RBMS3: variants seen among roughly 807,000 people sequenced by gnomAD.
RBMS3 encodes the protein RNA-binding motif, single-stranded-interacting protein 3.
In RBMS3, 27 loss-of-function variants were observed where a neutral mutation model predicts 66.8. The ratio of observed to expected loss-of-function variants is 0.40; its 90% CI spans 0.30 to 0.56. RBMS3 has a LOEUF of 0.56. Ranked by LOEUF, RBMS3 falls within the 20% of genes least tolerant of loss-of-function variation. The pLI, the probability that RBMS3 is intolerant of heterozygous loss-of-function variation, is 0.40. For missense variants in RBMS3, 513 were observed against 549.5 expected, an observed-to-expected ratio of 0.93 and a Z score of 0.66; for synonymous variants, 188 against 183.0, an observed-to-expected ratio of 1.03 and a Z score of -0.22.
intron 5 of RBMS3, among the ~76,000 whole-genome samples, chr3:29,742,104 G>C (rs943974283): frequency 6.6e-6 from 1 of 152,152 alleles, no homozygotes; most frequent in Non-Finnish European, 1.5e-5. Flanking sequence ...TACAATGAGA[G>C]TTTGCTTAAA....
intron 5 of RBMS3, among the ~76,000 whole-genome samples, chr3:29,760,825 C>G (rs1208840569): frequency 6.6e-6 from 1 of 152,070 alleles, no homozygotes; most frequent in Non-Finnish European, 1.5e-5. Flanking sequence ...TATAGGGGAA[C>G]TTGTGAGTGA....
intron 3 of RBMS3, among the ~76,000 whole-genome samples, chr3:29,572,248 C>G (rs1303550785): frequency 1.3e-5 from 2 of 151,790 alleles, no homozygotes; most frequent in African/African-American, 4.9e-5. Context: ...CTTTCTTTGT[C>G]ATTTGGATGC....
intron 14 of RBMS3, among the ~76,000 whole-genome samples, chr3:29,995,310 G>A (rs554940090): frequency 4.7e-3 from 717 of 152,240 alleles, no homozygotes; most frequent in African/African-American, 0.016. Flanking sequence ...AAAGTGATGG[G>A]GAGAATGGAA....
chr3:29,901,921 T>C (rs1386084523), intron 10 of RBMS3, among the ~76,000 whole-genome samples: 1 of 151,890 alleles, frequency 6.6e-6, no homozygotes, highest in Non-Finnish European at 1.5e-5. Flanking sequence ...ATAATCTTGT[T>C]GGCTGTCCAT....
At position 29,633,209 on chromosome 3, in the gene RBMS3, TG is replaced by T. The variant is rs544514081; in HGVS notation, c.399+46009del. 3.4e-3 allele frequency among the ~76,000 whole-genome samples: 520 copies of T among 151,876 alleles called. 5 individuals are homozygous for T. The highest frequency in any genetic ancestry group is 0.011 in the African/African-American group (470 of 41,482). ...CATATCCCAAGAGAATTATTTGTAC[TG>T]GGGGAAATGCAGTTGAAAAAAAGCA... On this transcript the variant is annotated intron_variant, in intron 4 of 14. Transcript: ENST00000383767.
intron 3 of RBMS3, among the ~76,000 whole-genome samples, chr3:29,493,645 A>G (rs1029582219): frequency 1.3e-5 from 2 of 152,088 alleles, no homozygotes; most frequent in Admixed American, 1.3e-4. Flanking sequence ...GCAAGAAAAA[A>G]ATACAGCTCT....
chr3:29,435,188 A>G (rs974041415), intron 2 of RBMS3, among the ~76,000 whole-genome samples: 2 of 152,234 alleles, frequency 1.3e-5, no homozygotes, highest in Admixed American at 6.5e-5. Flanking sequence ...AAGATCAAGT[A>G]ATAGAGTTAC....
chr3:29,847,286 T>C (rs1340285537), intron 6 of RBMS3, among the ~76,000 whole-genome samples: 1 of 152,252 alleles, frequency 6.6e-6, no homozygotes, highest in Non-Finnish European at 1.5e-5. Context: ...CTTAATATGA[T>C]GCACATTTGT....
intron 3 of RBMS3, among the ~76,000 whole-genome samples, chr3:29,505,006 A>G (rs946243909): frequency 3.3e-5 from 5 of 152,102 alleles, no homozygotes; most frequent in African/African-American, 7.2e-5. Flanking sequence ...CGTATCAGAC[A>G]TATGTTATGT....
At chr3:29,430,594 T>C (rs767140369) in intron 1 of RBMS3, among the ~76,000 whole-genome samples, 33 of 152,170 alleles carry the variant, frequency 2.2e-4, no homozygotes, top group Non-Finnish European at 3.8e-4. Flanking sequence ...CTAAATGGTG[T>C]TCTGGTTATG....
chr3:29,556,490 CT>C (rs2046369626), intron 3 of RBMS3: 1 of 152,480 alleles, frequency 6.6e-6, no homozygotes. Context: ...GTAGTCCCAG[CT>C]ACATGGGAGG....
chr3:29,731,654 G>A (rs1482045707), intron 4 of RBMS3, among the ~76,000 whole-genome samples: 1 of 152,142 alleles, frequency 6.6e-6, no homozygotes, highest in Non-Finnish European at 1.5e-5. Context: ...CTAGTCAGAG[G>A]CACTGGCTTT....
At chr3:29,444,713 C>G (rs895435492) in intron 2 of RBMS3, among the ~76,000 whole-genome samples, 1 of 143,060 alleles carries the variant, frequency 7.0e-6, no homozygotes, top group South Asian at 2.3e-4. Flanking sequence ...TCTTTGTAGA[C>G]AAGTACAAGC....
intron 4 of RBMS3, among the ~76,000 whole-genome samples, chr3:29,607,864 C>T (rs942471670): frequency 6.6e-6 from 1 of 151,782 alleles, no homozygotes. Context: ...AATATTAATT[C>T]TTTGCTGCTA....
chr3:29,362,825 A>T (rs1379867164), intron 1 of RBMS3, among the ~76,000 whole-genome samples: 2 of 152,210 alleles, frequency 1.3e-5, no homozygotes, highest in African/African-American at 4.8e-5. Context: ...CTGACGTCGA[A>T]TCTATTCCCT....
intron 4 of RBMS3, among the ~76,000 whole-genome samples, chr3:29,632,138 A>G (rs1388791236): frequency 6.6e-6 from 1 of 151,968 alleles, no homozygotes; most frequent in Non-Finnish European, 1.5e-5. Flanking sequence ...TGTGAGTTTT[A>G]CCAATAGAAT....
At chr3:29,836,028 A>G (rs2058498929) in intron 6 of RBMS3, among the ~76,000 whole-genome samples, 1 of 151,954 alleles carries the variant, frequency 6.6e-6, no homozygotes, top group Non-Finnish European at 1.5e-5. Flanking sequence ...GAATAGAAAA[A>G]TTCCTAGAAA....
chr3:29,355,352 A>G (rs1467298016), intron 1 of RBMS3, among the ~76,000 whole-genome samples: 2 of 152,150 alleles, frequency 1.3e-5, no homozygotes, highest in Non-Finnish European at 2.9e-5. Flanking sequence ...ATGAGGTTTC[A>G]TTAAGAAGAG....
intron 1 of RBMS3, among the ~76,000 whole-genome samples, chr3:29,355,137 G>A (rs1372894401): frequency 6.6e-6 from 1 of 152,048 alleles, no homozygotes; most frequent in East Asian, 1.9e-4. Flanking sequence ...AATTACATGA[G>A]CTCCTGCCAG....
Sources: gnomAD v4.1 joint callset for allele counts (sites outside exome capture counted in the v4.1 genomes callset) on GRCh38, gnomAD v4.1.1 for gene constraint, MANE v1.5 for transcripts, NCBI Gene and HGNC (gene_info 2026-07-23, HGNC 2026-07-21) for gene names.